The following PBX1 variants were observed in gnomAD, a reference collection of about 807,000 sequenced individuals.
PBX1 encodes the protein pre-B-cell leukemia transcription factor 1.
Under a neutral mutation model 53.4 loss-of-function variants are expected in PBX1, and 6 were observed. The observed-to-expected ratio is 0.11, with a 90% CI of 0.06 to 0.22. The LOEUF (loss-of-function observed/expected upper bound fraction) is 0.22, where lower values mean the gene tolerates loss of function less well. Ranked by LOEUF, PBX1 falls within the 10% of genes least tolerant of loss-of-function variation. The pLI, the probability that PBX1 is intolerant of heterozygous loss-of-function variation, is 1.00. For missense variants in PBX1, 251 were observed against 551.4 expected, an observed-to-expected ratio of 0.46 and a Z score of 5.46; for synonymous variants, 204 against 212.3, an observed-to-expected ratio of 0.96 and a Z score of 0.34.
chr1:164,569,427 G>A (rs1219766450), intron 2 of PBX1, among the ~76,000 whole-genome samples: 1 of 152,016 alleles, frequency 6.6e-6, no homozygotes, highest in Non-Finnish European at 1.5e-5. Flanking sequence ...ATTATTTCTG[G>A]ACTTGTTTTC....
intron 3 of PBX1, among the ~76,000 whole-genome samples, chr1:164,797,609 G>T (rs924888236): frequency 6.6e-6 from 1 of 152,092 alleles, no homozygotes; most frequent in Non-Finnish European, 1.5e-5. Flanking sequence ...TAGGCCCACA[G>T]AGTAAAAAGG....
At chr1:164,663,830 G>A (rs1198394134) in intron 2 of PBX1, among the ~76,000 whole-genome samples, 4 of 152,212 alleles carry the variant, frequency 2.6e-5, no homozygotes, top group Non-Finnish European at 2.9e-5. Context: ...TCATAGTAGA[G>A]CTATGACTAA....
At chr1:164,827,108 C>T (rs915182981) in intron 8 of PBX1, among the ~76,000 whole-genome samples, 9 of 152,100 alleles carry the variant, frequency 5.9e-5, no homozygotes, top group African/African-American at 1.7e-4. Context: ...TTGGATACCA[C>T]GGGGATACTT....
chr1:164,821,975 G>A (rs939983074), intron 8 of PBX1, among the ~76,000 whole-genome samples: 3 of 152,140 alleles, frequency 2.0e-5, no homozygotes, highest in African/African-American at 7.2e-5. Flanking sequence ...GGGAACCTGG[G>A]AGGTGAAACC....
intron 2 of PBX1, among the ~76,000 whole-genome samples, chr1:164,707,738 C>T (rs991329334): frequency 6.6e-6 from 1 of 152,142 alleles, no homozygotes; most frequent in East Asian, 1.9e-4. Context: ...GGAAAGAAAA[C>T]GTGCTGCTCC....
rs764598049 is a variant in PBX1 at position 164,849,420 on chromosome 1, C to T, written c.*2744C>T. The T allele has an allele frequency of 6.8e-5, 105 of 1,535,318 alleles. No individual in the cohort carries two copies. Among genetic ancestry groups the T allele is most frequent in the Non-Finnish European group, 8.3e-5 (95 of 1,146,682 alleles). On this transcript the variant is annotated 3_prime_UTR_variant, in exon 9 of 9. Coordinates refer to ENST00000420696, the MANE Select transcript of PBX1 (RefSeq NM_002585.4). ...ATCCGTGAGATCTGTCCACATTAGG[C>T]GAAGCAGGAGAACACTGAGAGCAGC...
In PBX1 at chr1:164,713,146, G is replaced by T. The variant is rs142436354; in HGVS notation, c.266-79348G>T. 2.6e-5 allele frequency among the ~76,000 whole-genome samples: 4 copies of T among 152,242 alleles called. No individual in the cohort carries two copies. The East Asian group carries it at 7.7e-4, about 29-fold the overall frequency. ...CGTTAATGACTGACACTAAACCCCT[G>T]GGGAGGAGTTGTAAGTTTTCAGAGA... On this transcript the variant is annotated intron_variant, in intron 2 of 8. Transcript: ENST00000420696.
intron 8 of PBX1, among the ~76,000 whole-genome samples, chr1:164,840,332 A>G (rs1427962517): frequency 1.3e-5 from 2 of 148,726 alleles, no homozygotes; most frequent in East Asian, 1.9e-4. Flanking sequence ...GAAATACTAC[A>G]TGGGATATAC....
At chr1:164,812,896 A>G (rs1256212669) in intron 6 of PBX1, 2 of 152,202 alleles carry the variant, frequency 1.3e-5, no homozygotes, top group African/African-American at 2.4e-5. Context: ...TTGTGTTTGT[A>G]TGCTATGGAA....
chr1:164,851,850 T>C (rs1315592103), downstream of PBX1: 1 of 167,816 alleles, frequency 6.0e-6, no homozygotes, highest in African/African-American at 2.4e-5. Flanking sequence ...TTTGTGCACA[T>C]TTCTTTTCTT....
intron 8 of PBX1, among the ~76,000 whole-genome samples, chr1:164,840,331 C>T (rs779737807): frequency 5.4e-5 from 8 of 149,288 alleles, no homozygotes; most frequent in Non-Finnish European, 1.2e-4. Context: ...GGAAATACTA[C>T]ATGGGATATA....
chr1:164,727,040 G>A (rs1664734415), intron 2 of PBX1, among the ~76,000 whole-genome samples: 1 of 152,172 alleles, frequency 6.6e-6, no homozygotes, highest in African/African-American at 2.4e-5. Context: ...TGCTTGAGCA[G>A]TGCAATATGG....
At chr1:164,786,749 T>G (rs1032302645) in intron 2 of PBX1, among the ~76,000 whole-genome samples, 7 of 146,510 alleles carry the variant, frequency 4.8e-5, no homozygotes, top group Non-Finnish European at 1.5e-5. Flanking sequence ...ACGCACAGAA[T>G]AGATATCACA....
At chr1:164,801,208 G>A (rs909656787) in intron 4 of PBX1, among the ~76,000 whole-genome samples, 4 of 152,120 alleles carry the variant, frequency 2.6e-5, no homozygotes, top group African/African-American at 7.2e-5. Flanking sequence ...GTATAGTAAT[G>A]GAGTGGAAAT....
chr1:164,651,460 C>T (rs1268031036), intron 2 of PBX1, among the ~76,000 whole-genome samples: 2 of 152,024 alleles, frequency 1.3e-5, no homozygotes, highest in Admixed American at 6.5e-5. Flanking sequence ...GCACAGAGAG[C>T]GGGCCCTGCA....
chr1:164,748,774 C>T (rs564254057), intron 2 of PBX1, among the ~76,000 whole-genome samples: 40 of 152,092 alleles, frequency 2.6e-4, no homozygotes, highest in Non-Finnish European at 4.6e-4. Flanking sequence ...GGAGCAAGGT[C>T]AACACATTGC....
intron 2 of PBX1, among the ~76,000 whole-genome samples, chr1:164,693,478 A>G (rs1166768243): frequency 6.6e-6 from 1 of 152,176 alleles, no homozygotes; most frequent in Non-Finnish European, 1.5e-5. Flanking sequence ...TGCTTTAGGT[A>G]GGGTCCCCAC....
At chr1:164,853,600 G>A (rs570359214), downstream of PBX1, among the ~76,000 whole-genome samples, 13 of 152,164 alleles carry the variant, frequency 8.5e-5, no homozygotes, top group Non-Finnish European at 1.8e-4. Flanking sequence ...GTAAGAATGT[G>A]AGAGAAACGA....
intron 1 of PBX1, among the ~76,000 whole-genome samples, chr1:164,562,243 T>TA (rs1190627714): frequency 1.3e-5 from 2 of 152,162 alleles, no homozygotes; most frequent in Non-Finnish European, 2.9e-5. Flanking sequence ...TTTTTAACTT[T>TA]CAAAGGGATT....
Sources: gnomAD v4.1 joint callset for allele counts (sites outside exome capture counted in the v4.1 genomes callset) on GRCh38, gnomAD v4.1.1 for gene constraint, MANE v1.5 for transcripts, NCBI Gene and HGNC (gene_info 2026-07-23, HGNC 2026-07-21) for gene names.